TTC28: variants seen among roughly 807,000 people sequenced by gnomAD.
TTC28 encodes the protein tetratricopeptide repeat protein 28.
TTC28 carries 61 observed loss-of-function variants against 198.0 expected under a neutral mutation model. That is an observed-to-expected ratio of 0.31 (90% CI 0.25 to 0.38). TTC28 has a LOEUF of 0.38. Ranked by LOEUF, TTC28 falls within the 10% of genes least tolerant of loss-of-function variation. TTC28 has a pLI of 1.00. For missense variants in TTC28, 2,678 were observed against 3,164.0 expected (o/e 0.85, Z 3.69); for synonymous variants, 1,171 against 1,297.8 (o/e 0.90, Z 2.10).
intron 6 of TTC28, among the ~76,000 whole-genome samples, chr22:28,130,272 C>A (rs1009417921): frequency 6.6e-6 from 1 of 152,068 alleles, no homozygotes; most frequent in Admixed American, 6.6e-5. Flanking sequence ...TGTCTTCCCC[C>A]ACTCCCCAAA....
At chr22:28,096,040 A>G in intron 11 of TTC28, 150 bp downstream of exon 11, 1 of 1,234,174 alleles carries the variant, frequency 8.1e-7, no homozygotes, top group Non-Finnish European at 1.0e-6. Context: ...ATGCCCCACC[A>G]CGGCATATCC....
At chr22:28,280,779 TC>T (rs1478075057) in intron 5 of TTC28, among the ~76,000 whole-genome samples, 1 of 152,180 alleles carries the variant, frequency 6.6e-6, no homozygotes, top group Non-Finnish European at 1.5e-5. Flanking sequence ...ATAGCGCAGG[TC>T]TGTTGATAAT....
At chr22:27,991,906 G>A (rs75080486) in intron 19 of TTC28, among the ~76,000 whole-genome samples, 2 of 152,244 alleles carry the variant, frequency 1.3e-5, no homozygotes, top group Non-Finnish European at 2.9e-5. Context: ...TGTCTTGCAT[G>A]AGAGTTGCTC....
At chr22:28,307,699 A>G (rs779759388) in intron 2 of TTC28, among the ~76,000 whole-genome samples, 4 of 152,210 alleles carry the variant, frequency 2.6e-5, no homozygotes, top group African/African-American at 4.8e-5. Flanking sequence ...TATAATTAAC[A>G]TATTCATTGC....
At chr22:27,993,071 ATGCC>A in intron 18 of TTC28, 1 of 591,330 alleles carries the variant, frequency 1.7e-6, no homozygotes, top group Non-Finnish European at 3.0e-6. Flanking sequence ...TGGGGCGCAG[ATGCC>A]TGCCATCACA....
intron 2 of TTC28, among the ~76,000 whole-genome samples, chr22:28,548,687 G>A (rs899414469): frequency 1.3e-5 from 2 of 152,138 alleles, no homozygotes; most frequent in African/African-American, 2.4e-5. Context: ...TGGTAAAACT[G>A]CCATTTGGAA....
intron 5 of TTC28, among the ~76,000 whole-genome samples, chr22:28,211,746 T>A (rs1187867758): frequency 6.6e-5 from 10 of 152,026 alleles, no homozygotes; most frequent in Admixed American, 6.6e-4. Flanking sequence ...AAAAAGGATA[T>A]CCACGACTTG....
chr22:28,250,991 T>G (rs1366995956), intron 5 of TTC28, among the ~76,000 whole-genome samples: 2 of 152,176 alleles, frequency 1.3e-5, no homozygotes, highest in African/African-American at 4.8e-5. Context: ...AGTTATATAA[T>G]TTTCAAGTCA....
intron 2 of TTC28, among the ~76,000 whole-genome samples, chr22:28,359,246 A>G (rs552498199): frequency 6.6e-6 from 1 of 152,326 alleles, no homozygotes; most frequent in South Asian, 2.1e-4. Context: ...AACCTCTTCC[A>G]TTACCCCTAG....
At chr22:28,430,703 C>T (rs771485756) in intron 2 of TTC28, among the ~76,000 whole-genome samples, 4 of 152,112 alleles carry the variant, frequency 2.6e-5, no homozygotes, top group Non-Finnish European at 5.9e-5. Context: ...TTGCAGCCTA[C>T]TCAGTTTTTC....
At chr22:28,467,918 C>T (rs979004599) in intron 2 of TTC28, among the ~76,000 whole-genome samples, 2 of 152,012 alleles carry the variant, frequency 1.3e-5, no homozygotes, top group Non-Finnish European at 2.9e-5. Context: ...CATGCCACTG[C>T]GCCCGGCTAA....
At chr22:28,294,272 G>A (rs2044845885) in intron 5 of TTC28, among the ~76,000 whole-genome samples, 1 of 152,092 alleles carries the variant, frequency 6.6e-6, no homozygotes, top group African/African-American at 2.4e-5. Context: ...TATTACTTCA[G>A]GGTCCCTTCT....
intron 5 of TTC28, among the ~76,000 whole-genome samples, chr22:28,257,743 T>TAC (rs1048513728): frequency 6.0e-4 from 12 of 20,144 alleles, no homozygotes; most frequent in African/African-American, 1.2e-3. Flanking sequence ...ATAGAACATA[T>TAC]ATATATATAT....
intron 2 of TTC28, among the ~76,000 whole-genome samples, chr22:28,397,981 T>C (rs1338571172): frequency 6.6e-6 from 1 of 152,214 alleles, no homozygotes; most frequent in Non-Finnish European, 1.5e-5. Flanking sequence ...TAATCAGGTC[T>C]GAACATTTTA....
At chr22:28,595,137 G>T (rs2050517303) in intron 2 of TTC28, among the ~76,000 whole-genome samples, 1 of 152,080 alleles carries the variant, frequency 6.6e-6, no homozygotes, top group Admixed American at 6.5e-5. Flanking sequence ...CTTAATTATA[G>T]AAAGTGGTTG....
chr22:28,146,587 T>C (rs1943474838), intron 6 of TTC28, among the ~76,000 whole-genome samples: 1 of 152,218 alleles, frequency 6.6e-6, no homozygotes, highest in South Asian at 2.1e-4. Context: ...TGATAACTTT[T>C]AGTCCATTAC....
At chr22:28,242,643 GT>G (rs1326019689) in intron 5 of TTC28, among the ~76,000 whole-genome samples, 1 of 151,968 alleles carries the variant, frequency 6.6e-6, no homozygotes, top group Non-Finnish European at 1.5e-5. Flanking sequence ...TTGGGTCAGT[GT>G]TTTTTTATGT....
At chr22:28,314,012 A>T (rs1286195194) in intron 2 of TTC28, among the ~76,000 whole-genome samples, 3 of 152,220 alleles carry the variant, frequency 2.0e-5, no homozygotes, top group African/African-American at 7.2e-5. Flanking sequence ...ACTTCAGCAA[A>T]GTCTCAGGAT....
chr22:28,553,275 G>A (rs1373407011), intron 2 of TTC28, among the ~76,000 whole-genome samples: 2 of 150,542 alleles, frequency 1.3e-5, no homozygotes, highest in African/African-American at 2.5e-5. Context: ...GAGCCCCTCT[G>A]CCTGGCTGCC....
Sources: allele counts gnomAD v4.1 joint callset (sites outside exome capture counted in the v4.1 genomes callset), GRCh38; gene constraint gnomAD v4.1.1; transcripts MANE v1.5; gene names NCBI Gene and HGNC (gene_info 2026-07-23, HGNC 2026-07-21).